ERBB4: variants seen among roughly 807,000 people sequenced by gnomAD.
The protein encoded by ERBB4 is erb-b2 receptor tyrosine kinase 4, also known as receptor tyrosine-protein kinase erbB-4.
Under a neutral mutation model 158.0 loss-of-function variants are expected in ERBB4, and 42 were observed. The ratio of observed to expected loss-of-function variants is 0.27; its 90% CI spans 0.21 to 0.34. The LOEUF is 0.34. Among genes scored for constraint, ERBB4 ranks in the 10% least tolerant of loss-of-function variants. ERBB4 has a pLI of 1.00. For synonymous variants in ERBB4, 583 were observed against 558.7 expected (o/e 1.04, Z -0.61); for missense variants, 1,333 against 1,624.1 (o/e 0.82, Z 3.08).
At chr2:212,505,931 C>T (rs1184236348) in intron 1 of ERBB4, among the ~76,000 whole-genome samples, 2 of 148,730 alleles carry the variant, frequency 1.3e-5, no homozygotes, top group African/African-American at 4.9e-5. Flanking sequence ...TTTTATTGTG[C>T]TTCACTTTAT....
At chr2:211,713,776 A>C in intron 7 of ERBB4, 128 bp from the exon 8 acceptor site, 1 of 656,780 alleles carries the variant, frequency 1.5e-6, no homozygotes, top group South Asian at 1.7e-5. Context: ...TCTTACCCTT[A>C]AACAACTCTT....
At chr2:212,217,902 T>C (rs1216675785) in intron 1 of ERBB4, among the ~76,000 whole-genome samples, 2 of 151,248 alleles carry the variant, frequency 1.3e-5, no homozygotes, top group East Asian at 1.9e-4. Context: ...CAATAAAGTA[T>C]ATATTTCTTC....
intron 2 of ERBB4, among the ~76,000 whole-genome samples, chr2:211,955,442 A>G (rs2081001466): frequency 6.6e-6 from 1 of 151,970 alleles, no homozygotes; most frequent in South Asian, 2.1e-4. Flanking sequence ...TACATTCCCA[A>G]TTGATTCTTC....
At chr2:211,855,797 A>C (rs1048080473) in intron 3 of ERBB4, among the ~76,000 whole-genome samples, 3 of 152,114 alleles carry the variant, frequency 2.0e-5, no homozygotes, top group Non-Finnish European at 4.4e-5. Flanking sequence ...TGCAATCTTT[A>C]AGTTTATTTT....
chr2:212,030,375 C>T (rs879515737), intron 2 of ERBB4, among the ~76,000 whole-genome samples: 32 of 152,224 alleles, frequency 2.1e-4, no homozygotes, highest in African/African-American at 5.5e-4. Context: ...ACTTTTCTTG[C>T]TGCAATATAA....
chr2:212,226,837 A>G (rs1028049550), intron 1 of ERBB4, among the ~76,000 whole-genome samples: 4 of 133,804 alleles, frequency 3.0e-5, no homozygotes, highest in Non-Finnish European at 4.8e-5. Context: ...TCCTAAAAGG[A>G]CTCACACATT....
Position 212,484,137 on chromosome 2 carries a change from T to A in ERBB4, c.82+54312A>T, listed in dbSNP as rs374708096. Among the ~76,000 whole-genome samples, 4 of 152,314 alleles carry A rather than the reference T, an allele frequency of 2.6e-5. 1 individual carries two copies. The South Asian group carries it at 8.3e-4, about 32-fold the overall frequency. ...TGCTGTATTTCAATGAAAAAAAAGCTAAAAATAAAAACTCAGTGTTCTAAA... is the reference window on the plus strand; with the variant it reads ...TGCTGTATTTCAATGAAAAAAAAGCAAAAAATAAAAACTCAGTGTTCTAAA... On this transcript the variant is annotated intron_variant, in intron 1 of 27. Transcript: ENST00000342788.
At chr2:212,510,168 AT>A (rs1267477835) in intron 1 of ERBB4, among the ~76,000 whole-genome samples, 1 of 146,436 alleles carries the variant, frequency 6.8e-6, no homozygotes, top group African/African-American at 2.5e-5. Flanking sequence ...ATATATATAT[AT>A]AAAAGCCTAA....
chr2:212,532,635 C>T (rs1692818553), intron 1 of ERBB4, among the ~76,000 whole-genome samples: 1 of 152,078 alleles, frequency 6.6e-6, no homozygotes. Flanking sequence ...TAGTCTAATC[C>T]CAGATCACAT....
intron 2 of ERBB4, among the ~76,000 whole-genome samples, chr2:212,034,314 A>C (rs1161475731): frequency 6.6e-6 from 1 of 151,884 alleles, no homozygotes; most frequent in South Asian, 2.1e-4. Flanking sequence ...CTATTAAATT[A>C]CTCTAATGGA....
intron 1 of ERBB4, among the ~76,000 whole-genome samples, chr2:212,438,622 A>G (rs1249086319): frequency 1.3e-5 from 2 of 152,290 alleles, no homozygotes; most frequent in East Asian, 3.8e-4. Flanking sequence ...TTTGGAAAAT[A>G]TAAATTGTAT....
In ERBB4 at chr2:211,380,981, G is replaced by A. The variant is rs1254106273; in HGVS notation, c.*2634C>T. 4.3e-6 allele frequency: 1 copy of A among 232,196 alleles called. No homozygotes were observed. Among genetic ancestry groups the A allele is most frequent in the Admixed American group, 5.6e-5 (1 of 17,722 alleles). The allele number at this position is 232,196 out of a possible 1,614,324, so 14.4% of individuals were successfully genotyped here. ...AATCAAGGTATAGTATCCAAAAAGA[G>A]GGCTGTGATGACTCGATGCAGATTT... On this transcript the variant is annotated 3_prime_UTR_variant, in exon 28 of 28. Transcript: ENST00000342788.
chr2:211,834,480 A>ACTT (rs1265205829), intron 3 of ERBB4, among the ~76,000 whole-genome samples: 2 of 139,294 alleles, frequency 1.4e-5, no homozygotes, highest in Non-Finnish European at 3.2e-5. Context: ...CAAGTGGGTC[A>ACTT]CTTAAAAAAA....
At chr2:211,950,819 A>T (rs1344676124) in intron 2 of ERBB4, among the ~76,000 whole-genome samples, 2 of 152,244 alleles carry the variant, frequency 1.3e-5, no homozygotes, top group African/African-American at 4.8e-5. Flanking sequence ...GTTCGTACAC[A>T]GCAATTTGTT....
At chr2:212,497,899 ACATAAAATTT>A (rs1690668114) in intron 1 of ERBB4, among the ~76,000 whole-genome samples, 4 of 152,222 alleles carry the variant, frequency 2.6e-5, no homozygotes, top group Non-Finnish European at 5.9e-5. Flanking sequence ...GGGTATATTT[ACATAAAATTT>A]CATATTTCCA....
At chr2:212,055,396 T>C (rs773394457) in intron 2 of ERBB4, among the ~76,000 whole-genome samples, 17 of 151,982 alleles carry the variant, frequency 1.1e-4, no homozygotes, top group Non-Finnish European at 2.4e-4. Context: ...AAGGCAGACT[T>C]AAATGTCCCT....
chr2:211,962,664 T>C (rs1004593260), intron 2 of ERBB4, among the ~76,000 whole-genome samples: 2 of 152,176 alleles, frequency 1.3e-5, no homozygotes, highest in African/African-American at 4.8e-5. Flanking sequence ...TAGAAACTTG[T>C]TGCCAGGCAA....
In ERBB4 at chr2:211,622,998, T is replaced by A. The variant is rs1335835793; in HGVS notation, c.2202+924A>T. 8.4e-3 allele frequency among the ~76,000 whole-genome samples: 58 copies of A among 6,938 alleles called. 4 individuals are homozygous for A. Among genetic ancestry groups the A allele is most frequent in the African/African-American group, 0.025 (32 of 1,276 alleles). 4.6% of individuals were successfully genotyped at this position (6,938 alleles called of 152,430 possible). A position where few individuals can be genotyped will look rare whatever the true frequency, so the allele number is the denominator to read the frequency against. On this transcript the variant is annotated intron_variant, in intron 18 of 27. Transcript: ENST00000342788. ...AAAAAAAAAAAAAAAAAAATATATA[T>A]ATATATATATATATATATATATATA...
At chr2:211,890,537 T>G (rs1227749887) in intron 3 of ERBB4, among the ~76,000 whole-genome samples, 2 of 150,790 alleles carry the variant, frequency 1.3e-5, no homozygotes, top group African/African-American at 4.9e-5. Flanking sequence ...AATGACTGGA[T>G]CAAATTCACA....
Sources: allele counts gnomAD v4.1 joint callset (sites outside exome capture counted in the v4.1 genomes callset), GRCh38; gene constraint gnomAD v4.1.1; transcripts MANE v1.5; gene names NCBI Gene and HGNC (gene_info 2026-07-23, HGNC 2026-07-21).